The following DAPP1 variants were observed in gnomAD, a reference collection of about 807,000 sequenced individuals.
The protein encoded by DAPP1 is dual adapter for phosphotyrosine and 3-phosphotyrosine and 3-phosphoinositide.
DAPP1 carries 20 observed loss-of-function variants against 41.5 expected under a neutral mutation model. That is an observed-to-expected ratio of 0.48 (90% CI 0.34 to 0.70). The LOEUF (loss-of-function observed/expected upper bound fraction) is 0.70, where lower values mean the gene tolerates loss of function less well. Ranked by LOEUF, DAPP1 falls within the 30% of genes least tolerant of loss-of-function variation. The pLI, the probability that DAPP1 is intolerant of heterozygous loss-of-function variation, is 0.01. For synonymous variants in DAPP1, 113 were observed against 116.2 expected (o/e 0.97, Z 0.18); for missense variants, 233 against 333.4 (o/e 0.70, Z 2.35).
At chr4:99,851,532 T>TA in intron 3 of DAPP1, among the ~76,000 whole-genome samples, 1 of 139,332 alleles carries the variant, frequency 7.2e-6, no homozygotes, top group Non-Finnish European at 1.6e-5. Flanking sequence ...TTGTTTTGTG[T>TA]AGTTTTTTTT....
chr4:99,841,373 A>C (rs1039033647), intron 3 of DAPP1, among the ~76,000 whole-genome samples: 1 of 152,264 alleles, frequency 6.6e-6, no homozygotes. Context: ...CATGAAGTGC[A>C]CAGCGGAAAC....
chr4:99,821,597 A>C (rs1205864400), intron 1 of DAPP1, among the ~76,000 whole-genome samples: 1 of 152,248 alleles, frequency 6.6e-6, no homozygotes, highest in African/African-American at 2.4e-5. Context: ...GAGAAAAGTA[A>C]AGAACAGAGT....
chr4:99,860,003 C>T (rs1292309193), intron 4 of DAPP1, among the ~76,000 whole-genome samples: 4 of 152,238 alleles, frequency 2.6e-5, no homozygotes, highest in African/African-American at 9.6e-5. Context: ...TGGCTACTGA[C>T]TTCATTTAAG....
At chr4:99,825,833 A>G (rs981000709) in intron 1 of DAPP1, among the ~76,000 whole-genome samples, 2 of 152,182 alleles carry the variant, frequency 1.3e-5, no homozygotes, top group Admixed American at 1.3e-4. Flanking sequence ...TGAACATGTG[A>G]CTTAATGGGC....
intron 1 of DAPP1, among the ~76,000 whole-genome samples, chr4:99,829,098 T>G (rs903551966): frequency 2.6e-5 from 4 of 152,116 alleles, no homozygotes; most frequent in African/African-American, 9.7e-5. Flanking sequence ...ATTGTTTAAT[T>G]TAGCAAATCT....
At chr4:99,847,896 C>T (rs1269286566) in intron 3 of DAPP1, among the ~76,000 whole-genome samples, 1 of 152,096 alleles carries the variant, frequency 6.6e-6, no homozygotes, top group East Asian at 1.9e-4. Flanking sequence ...TCACTGCAAC[C>T]TCTGACTCCC....
chr4:99,836,595 C>CCATA, intron 2 of DAPP1, among the ~76,000 whole-genome samples: 1 of 152,206 alleles, frequency 6.6e-6, no homozygotes, highest in Non-Finnish European at 1.5e-5. Flanking sequence ...GAGAGTCACT[C>CCATA]TTCCCTTCAT....
chr4:99,863,719 T>C, intron 6 of DAPP1, 51 bp from the exon 7 acceptor site: 4 of 233,754 alleles, frequency 1.7e-5, no homozygotes, highest in East Asian at 1.2e-4. Flanking sequence ...GATTTGTCTG[T>C]TTTTTTTTTT....
intron 4 of DAPP1, among the ~76,000 whole-genome samples, chr4:99,858,198 C>T (rs1177325552): frequency 2.0e-5 from 3 of 152,226 alleles, no homozygotes; most frequent in Non-Finnish European, 2.9e-5. Flanking sequence ...AGATCCAGTC[C>T]TCAAGCACAA....
chr4:99,844,390 AAACTC>A (rs1213089023), intron 3 of DAPP1: 3 of 152,202 alleles, frequency 2.0e-5, no homozygotes, highest in African/African-American at 7.2e-5. Flanking sequence ...ACTCTAAACT[AAACTC>A]AAATAGACTT....
intron 4 of DAPP1, among the ~76,000 whole-genome samples, 152 bp from the exon 5 acceptor site, chr4:99,861,426 A>G (rs953832741): frequency 6.6e-6 from 1 of 152,242 alleles, no homozygotes; most frequent in African/African-American, 2.4e-5. Flanking sequence ...CTCACAACAC[A>G]TGGAAGCTTT....
At chr4:99,835,139 G>T (rs59432761) in intron 1 of DAPP1, among the ~76,000 whole-genome samples, 13,630 of 151,884 alleles carry the variant, frequency 0.09, 637 homozygotes, top group African/African-American at 0.11. Context: ...CTCCCGAGTA[G>T]CTGGGATTAT....
rs766921063 is a variant in DAPP1, at chr4:99,863,749, G to A, written c.601-21G>A. On this transcript the variant is annotated intron_variant, in intron 6 of 8. Coordinates refer to ENST00000512369, the MANE Select transcript of DAPP1 (RefSeq NM_014395.3). ...TTTTTTTTTTTTAATGGTGACATACGTTGCTTTTTATTTTATTTAGTCACC... is the reference window on the plus strand; with the variant it reads ...TTTTTTTTTTTTAATGGTGACATACATTGCTTTTTATTTTATTTAGTCACC... 147 of 1,340,788 alleles carry A rather than the reference G, an allele frequency of 1.1e-4. 1 individual carries two copies. In the South Asian group the frequency reaches 1.7e-3, roughly 16 times the overall value. The allele number at this position is 1,340,788 out of a possible 1,614,324, so 83.1% of individuals were successfully genotyped here. A position where few individuals can be genotyped will look rare whatever the true frequency, so the allele number is the denominator to read the frequency against.
intron 3 of DAPP1, among the ~76,000 whole-genome samples, chr4:99,848,109 CTGA>C (rs1273764918): frequency 6.6e-6 from 1 of 151,968 alleles, no homozygotes; most frequent in African/African-American, 2.4e-5. Flanking sequence ...CCGCGCCCGG[CTGA>C]TAAGTTTCTT....
At chr4:99,831,647 C>T (rs561063023) in intron 1 of DAPP1, among the ~76,000 whole-genome samples, 1 of 152,272 alleles carries the variant, frequency 6.6e-6, no homozygotes, top group Admixed American at 6.5e-5. Context: ...GAAGAGGAAT[C>T]GCTGGTCATA....
intron 4 of DAPP1, among the ~76,000 whole-genome samples, chr4:99,853,738 G>A (rs1723949441): frequency 6.6e-6 from 1 of 152,224 alleles, no homozygotes; most frequent in Non-Finnish European, 1.5e-5. Context: ...AGGATTACTT[G>A]AGTCAAGGAG....
chr4:99,820,849 T>C (rs559876094), intron 1 of DAPP1, among the ~76,000 whole-genome samples: 1 of 152,350 alleles, frequency 6.6e-6, no homozygotes, highest in South Asian at 2.1e-4. Context: ...GAATTTCATA[T>C]AATTTTTATG....
chr4:99,834,589 G>T (rs759042456), intron 1 of DAPP1, among the ~76,000 whole-genome samples: 17 of 152,168 alleles, frequency 1.1e-4, no homozygotes, highest in Admixed American at 2.6e-4. Context: ...TAGCACAGAG[G>T]TTTCGCCGTG....
Position 99,840,415 on chromosome 4 carries a change from C to T in DAPP1, c.351C>T (p.Ser117=), listed in dbSNP as rs778275354. ...TTGCAAATCAGCCTTTGATTGGAAG[C>T]GAGACAGGTAAGCTATGAGCAGACA... is the stretch of plus-strand genomic sequence containing the variant. ...KHFANQPLIG[S]ETGTLMVLKH... Residue 117 remains serine (S), a synonymous_variant, in exon 3 of 9, where the codon AGC becomes AGT. Transcript: ENST00000512369. 1.4e-5 allele frequency: 22 copies of T among 1,610,182 alleles called. No homozygotes were observed. Among genetic ancestry groups the T allele is most frequent in the East Asian group, 6.7e-5 (3 of 44,610 alleles).
Sources: gnomAD v4.1 joint callset for allele counts (sites outside exome capture counted in the v4.1 genomes callset) on GRCh38, gnomAD v4.1.1 for gene constraint, MANE v1.5 for transcripts, NCBI Gene and HGNC (gene_info 2026-07-23, HGNC 2026-07-21) for gene names.